Variants in EPB41L4A observed in about 807,000 individuals in gnomAD.
EPB41L4A encodes the protein erythrocyte membrane protein band 4.1 like 4A, also known as band 4.1-like protein 4A.
A neutral mutation model predicts 108.6 loss-of-function variants in EPB41L4A; 100 were observed. That is an observed-to-expected ratio of 0.92 (90% CI 0.78 to 1.09). The LOEUF is 1.09. Ranked by LOEUF, EPB41L4A falls within the 50% of genes least tolerant of loss-of-function variation. The pLI is 0.00. For synonymous variants in EPB41L4A, 319 were observed against 289.0 expected (o/e 1.10, Z -1.05); for missense variants, 1,030 against 842.7 (o/e 1.22, Z -2.75).
At chr5:112,269,211 C>T (rs1474096907) in intron 4 of EPB41L4A, among the ~76,000 whole-genome samples, 1 of 151,960 alleles carries the variant, frequency 6.6e-6, no homozygotes, top group East Asian at 1.9e-4. Context: ...TCTACTCAAA[C>T]TTCCCTGGAT....
chr5:112,399,970 C>T (rs908301363), intron 1 of EPB41L4A, among the ~76,000 whole-genome samples: 1 of 152,144 alleles, frequency 6.6e-6, no homozygotes, highest in Non-Finnish European at 1.5e-5. Context: ...TGTGTTAGGC[C>T]GTTCTTGCAT....
intron 1 of EPB41L4A, among the ~76,000 whole-genome samples, chr5:112,308,860 G>T (rs1345189088): frequency 6.6e-6 from 1 of 152,142 alleles, no homozygotes; most frequent in Non-Finnish European, 1.5e-5. Flanking sequence ...CCAACATTTG[G>T]ATTGCAAAAC....
At chr5:112,320,354 G>A (rs1347233594) in intron 1 of EPB41L4A, among the ~76,000 whole-genome samples, 1 of 152,102 alleles carries the variant, frequency 6.6e-6, no homozygotes, top group African/African-American at 2.4e-5. Flanking sequence ...TGCAAGTATG[G>A]GTTTTATGAT....
chr5:112,248,814 C>T (rs1405204042), intron 9 of EPB41L4A, among the ~76,000 whole-genome samples: 1 of 152,148 alleles, frequency 6.6e-6, no homozygotes, highest in East Asian at 1.9e-4. Context: ...AGCACACCCA[C>T]TTTTTCTGCC....
At chr5:112,277,019 T>C (rs1254356951) in intron 3 of EPB41L4A, among the ~76,000 whole-genome samples, 2 of 152,244 alleles carry the variant, frequency 1.3e-5, no homozygotes, top group East Asian at 1.9e-4. Context: ...TGTGTTTGTA[T>C]TTCTGACAAA....
At chr5:112,182,709 T>C (rs1044969783) in intron 18 of EPB41L4A, among the ~76,000 whole-genome samples, 2 of 152,210 alleles carry the variant, frequency 1.3e-5, no homozygotes, top group Non-Finnish European at 2.9e-5. Flanking sequence ...TACCCGTGAC[T>C]ACGCTGTATC....
At chr5:112,418,520 G>A (rs1762855847) in intron 1 of EPB41L4A, among the ~76,000 whole-genome samples, 1 of 152,166 alleles carries the variant, frequency 6.6e-6, no homozygotes, top group Non-Finnish European at 1.5e-5. Context: ...GAGTGAACTA[G>A]TTCACTTCCC....
intron 1 of EPB41L4A, among the ~76,000 whole-genome samples, chr5:112,325,442 TA>T (rs11294749): frequency 0.25 from 26,029 of 103,322 alleles, 2,693 homozygotes; most frequent in African/African-American, 0.36. Flanking sequence ...CTCCGTCTCA[TA>T]AAAAAAAAAA....
intron 1 of EPB41L4A, among the ~76,000 whole-genome samples, chr5:112,360,668 A>C (rs1758669462): frequency 1.3e-5 from 2 of 152,198 alleles, no homozygotes; most frequent in Admixed American, 1.3e-4. Context: ...CAAAGTGCCG[A>C]GAATGCAGCC....
chr5:112,249,858 G>A (rs1750530646), intron 9 of EPB41L4A, among the ~76,000 whole-genome samples: 1 of 152,120 alleles, frequency 6.6e-6, no homozygotes, highest in African/African-American at 2.4e-5. Flanking sequence ...GACCTTTAAT[G>A]CGCTAATATG....
intron 1 of EPB41L4A, among the ~76,000 whole-genome samples, chr5:112,362,832 A>G (rs967167408): frequency 1.3e-5 from 2 of 152,218 alleles, no homozygotes; most frequent in African/African-American, 4.8e-5. Flanking sequence ...AAGTCTGACG[A>G]TTCATCTCAA....
intron 7 of EPB41L4A, among the ~76,000 whole-genome samples, chr5:112,260,905 T>G (rs1207113094): frequency 1.3e-5 from 2 of 152,260 alleles, no homozygotes; most frequent in Non-Finnish European, 2.9e-5. Flanking sequence ...CTTAAAGGAA[T>G]GCACTGAAGA....
intron 2 of EPB41L4A, among the ~76,000 whole-genome samples, chr5:112,297,458 A>G (rs983113282): frequency 6.6e-6 from 1 of 152,018 alleles, no homozygotes; most frequent in African/African-American, 2.4e-5. Flanking sequence ...TTGTCCACTC[A>G]TGTCCTTAGT....
At chr5:112,254,856 C>T (rs147596708) in intron 9 of EPB41L4A, among the ~76,000 whole-genome samples, 1 of 152,098 alleles carries the variant, frequency 6.6e-6, no homozygotes, top group African/African-American at 2.4e-5. Flanking sequence ...GAATTCATGA[C>T]CTCTCATCAG....
At chr5:112,254,912 T>C (rs1199267383) in intron 9 of EPB41L4A, among the ~76,000 whole-genome samples, 1 of 152,126 alleles carries the variant, frequency 6.6e-6, no homozygotes, top group Non-Finnish European at 1.5e-5. Context: ...GTCCTTCACC[T>C]TGCTGCACTA....
chr5:112,147,525 A>G (rs531848136), intron 12 of EPB41L4A, among the ~76,000 whole-genome samples: 1 of 152,048 alleles, frequency 6.6e-6, no homozygotes, highest in Admixed American at 6.5e-5. Context: ...CTGTGGTCTC[A>G]GCTACTTGGG....
At chr5:112,296,840 C>T (rs754959005) in intron 2 of EPB41L4A, among the ~76,000 whole-genome samples, 13 of 152,096 alleles carry the variant, frequency 8.5e-5, no homozygotes, top group Non-Finnish European at 1.6e-4. Context: ...CCCCCACTTA[C>T]GAGTGAGAAC....
rs1760139417 is a variant in EPB41L4A at position 112,164,932 on chromosome 5, C to G, written c.*58G>C. The G allele has an allele frequency of 2.0e-6, 3 of 1,482,600 alleles. No homozygotes were observed. Among genetic ancestry groups the G allele is most frequent in the South Asian group, 2.9e-5 (2 of 69,462 alleles). 91.8% of individuals were successfully genotyped at this position (1,482,600 alleles called of 1,614,324 possible). A position where few individuals can be genotyped will look rare whatever the true frequency, so the allele number is the denominator to read the frequency against. On this transcript the variant is annotated 3_prime_UTR_variant, in exon 23 of 23. Coordinates refer to ENST00000261486, the MANE Select transcript of EPB41L4A (RefSeq NM_022140.5). ...AATTAAGATACCTATTTCACAGTTT[C>G]AAAAGTACCAGTGGCGCACACAACC...
intron 4 of EPB41L4A, among the ~76,000 whole-genome samples, chr5:112,274,177 G>C (rs1752460646): frequency 6.6e-6 from 1 of 152,066 alleles, no homozygotes; most frequent in Admixed American, 6.5e-5. Context: ...CTACTCCTGA[G>C]GCTGAGGCGG....
Sources: gnomAD v4.1 joint callset for allele counts (sites outside exome capture counted in the v4.1 genomes callset) on GRCh38, gnomAD v4.1.1 for gene constraint, MANE v1.5 for transcripts, NCBI Gene and HGNC (gene_info 2026-07-23, HGNC 2026-07-21) for gene names.